KATNIP: variants seen among roughly 807,000 people sequenced by gnomAD.
KATNIP encodes the protein katanin interacting protein.
Under a neutral mutation model 174.0 loss-of-function variants are expected in KATNIP, and 126 were observed. The ratio of observed to expected loss-of-function variants is 0.72; its 90% CI spans 0.63 to 0.84. The LOEUF is 0.84. Among genes scored for constraint, KATNIP ranks in the 40% least tolerant of loss-of-function variants. The pLI is 0.00. For missense variants in KATNIP, 1,958 were observed against 2,109.7 expected (o/e 0.93, Z 1.41); for synonymous variants, 810 against 835.7 (o/e 0.97, Z 0.53).
At position 27,771,580 on chromosome 16, in the gene KATNIP, T is replaced by G. The variant is rs952313114; in HGVS notation, c.4134-8T>G. On this transcript the variant is annotated splice_polypyrimidine_tract_variant and splice_region_variant and intron_variant, in intron 21 of 27. Transcript: ENST00000261588. The stretch of plus-strand genomic sequence containing the variant: ...GCTTCTTCATGGTGCTGTTTTGTGC[T>G]TTTTCAGGCTGGACATGAGAAGCCT... 1.2e-5 allele frequency: 20 copies of G among 1,611,518 alleles called. No homozygotes were observed. Among genetic ancestry groups the G allele is most frequent in the Non-Finnish European group, 1.4e-5 (17 of 1,178,588 alleles).
intron 1 of KATNIP, among the ~76,000 whole-genome samples, chr16:27,551,719 T>C (rs565601643): frequency 4.6e-5 from 7 of 150,874 alleles, no homozygotes; most frequent in African/African-American, 1.5e-4. Context: ...ACCTTGTCTC[T>C]ACTAAAACTT....
At chr16:27,677,465 C>T (rs1299695442) in intron 6 of KATNIP, among the ~76,000 whole-genome samples, 1 of 151,688 alleles carries the variant, frequency 6.6e-6, no homozygotes, top group Admixed American at 6.6e-5. Flanking sequence ...CATGTGCACT[C>T]CCCCCCACCC....
At chr16:27,640,523 CA>C (rs2076760725) in intron 5 of KATNIP, among the ~76,000 whole-genome samples, 1 of 152,132 alleles carries the variant, frequency 6.6e-6, no homozygotes, top group Non-Finnish European at 1.5e-5. Context: ...GAGAGCAGGC[CA>C]GATGGAGGGA....
intron 8 of KATNIP, among the ~76,000 whole-genome samples, chr16:27,683,212 C>G (rs2078410074): frequency 1.3e-5 from 2 of 152,182 alleles, no homozygotes; most frequent in South Asian, 2.1e-4. Context: ...TACCAAGACC[C>G]CTGTCCTAAG....
intron 2 of KATNIP, among the ~76,000 whole-genome samples, chr16:27,612,662 G>C (rs1048886462): frequency 2.0e-5 from 3 of 152,016 alleles, no homozygotes; most frequent in Admixed American, 6.6e-5. Context: ...GGGAGGCCAA[G>C]ACAGGAGAAT....
chr16:27,743,668 C>T (rs1195079231), intron 15 of KATNIP, among the ~76,000 whole-genome samples: 3 of 152,130 alleles, frequency 2.0e-5, no homozygotes, highest in Non-Finnish European at 4.4e-5. Context: ...AGGCACGTTA[C>T]CCAAATAACC....
At chr16:27,645,156 G>A (rs142699543) in intron 5 of KATNIP, among the ~76,000 whole-genome samples, 95 of 152,304 alleles carry the variant, frequency 6.2e-4, no homozygotes, top group Middle Eastern at 3.4e-3. Flanking sequence ...GGGCTATGCC[G>A]AATGAAACAT....
At position 27,752,642 on chromosome 16, in the gene KATNIP, C is replaced by G. The variant is rs114133219; in HGVS notation, c.3552+718C>G. Among the ~76,000 whole-genome samples the G allele has an allele frequency of 8.8e-3, 1,345 of 152,286 alleles. 26 individuals are homozygous for G. The highest frequency in any genetic ancestry group is 0.083 in the South Asian group (402 of 4,824). On this transcript the variant is annotated intron_variant, in intron 17 of 27. Transcript: ENST00000261588. ...TCATAGCTCATTGCAGCTCAAACTC[C>G]CGGGGCTCAAGCAATCCTACCACCT...
chr16:27,774,734 AACTG>A (rs1567434852), intron 23 of KATNIP, among the ~76,000 whole-genome samples: 2 of 151,880 alleles, frequency 1.3e-5, no homozygotes, highest in Non-Finnish European at 2.9e-5. Context: ...CTCTACTTGA[AACTG>A]ACCACCTCTC....
At chr16:27,609,547 T>C (rs1430368485) in intron 2 of KATNIP, among the ~76,000 whole-genome samples, 1 of 151,640 alleles carries the variant, frequency 6.6e-6, no homozygotes, top group African/African-American at 2.4e-5. Flanking sequence ...CCCGCCACCA[T>C]GCCCGGCTAA....
intron 6 of KATNIP, chr16:27,659,979 A>G (rs2077418356): frequency 4.1e-6 from 4 of 984,452 alleles, no homozygotes; most frequent in Non-Finnish European, 4.8e-6. Flanking sequence ...ACTGTGGTTT[A>G]TTTGATAGTT....
chr16:27,583,476 G>A lies in KATNIP; in HGVS notation c.63+9520G>A, dbSNP rs563275141. ...AGGTTCCTGCAAGTTACTCAGGAAA[G>A]GTATGTCTGCAGGATAAAAACACCC... is the stretch of plus-strand genomic sequence containing the variant. On this transcript the variant is annotated intron_variant, in intron 2 of 27. Coordinates refer to ENST00000261588, the MANE Select transcript of KATNIP (RefSeq NM_015202.5). 4.6e-5 allele frequency among the ~76,000 whole-genome samples: 7 copies of A among 152,290 alleles called. 1 individual carries two copies. The highest frequency in any genetic ancestry group is 1.7e-4 in the African/African-American group (7 of 41,544).
intron 4 of KATNIP, among the ~76,000 whole-genome samples, chr16:27,629,283 TC>T (rs2076421935): frequency 6.6e-6 from 1 of 151,538 alleles, no homozygotes; most frequent in African/African-American, 2.4e-5. Context: ...GAAAGAGAAA[TC>T]CTGTTTTATT....
chr16:27,698,483 C>T lies in KATNIP; in HGVS notation c.1096C>T (p.Pro366Ser), dbSNP rs1208503507. The T allele has an allele frequency of 6.2e-7, 1 of 1,609,844 alleles. No homozygotes were observed. Among genetic ancestry groups the T allele is most frequent in the South Asian group, 1.1e-5 (1 of 90,560 alleles). ...GCTCCTCAGCAGAAAGGCCGAGCAG[C>T]CAGCCAGCCCACTGCAGGTGCGCTC... ...RALLSRKAEQPASPLQDAEGP... is the reference protein window; with the variant it reads ...RALLSRKAEQSASPLQDAEGP... The change falls in exon 9 of 28, where the codon CCA (proline) becomes TCA (serine). Residue 366 changes from proline to serine, a missense_variant. Coordinates refer to ENST00000261588, the MANE Select transcript of KATNIP (RefSeq NM_015202.5).
chr16:27,697,306 C>T (rs1010190071), intron 8 of KATNIP, among the ~76,000 whole-genome samples: 2 of 152,130 alleles, frequency 1.3e-5, no homozygotes, highest in African/African-American at 2.4e-5. Flanking sequence ...TCCCCAACCT[C>T]GCCAGCATCT....
At chr16:27,680,568 C>A (rs2078295496) in intron 7 of KATNIP, among the ~76,000 whole-genome samples, 1 of 152,302 alleles carries the variant, frequency 6.6e-6, no homozygotes, top group South Asian at 2.1e-4. Flanking sequence ...GCCCTGTCAC[C>A]CGGGCTGAAG....
chr16:27,732,309 G>A (rs1345476069), intron 14 of KATNIP, among the ~76,000 whole-genome samples: 5 of 152,118 alleles, frequency 3.3e-5, no homozygotes, highest in Non-Finnish European at 7.4e-5. Context: ...TCCCTTCGAG[G>A]AAATTAAATT....
chr16:27,571,141 T>C (rs901748970), intron 1 of KATNIP, among the ~76,000 whole-genome samples: 1 of 152,216 alleles, frequency 6.6e-6, no homozygotes, highest in African/African-American at 2.4e-5. Context: ...CAGGTGAATC[T>C]TGTGCCTCTG....
chr16:27,695,608 G>GTC (rs1266151916), intron 8 of KATNIP, among the ~76,000 whole-genome samples: 3 of 152,064 alleles, frequency 2.0e-5, no homozygotes, highest in Non-Finnish European at 4.4e-5. Context: ...CCAGCTTATG[G>GTC]TCTCTCACCA....
Sources: gnomAD v4.1 joint callset for allele counts (sites outside exome capture counted in the v4.1 genomes callset) on GRCh38, gnomAD v4.1.1 for gene constraint, MANE v1.5 for transcripts, NCBI Gene and HGNC (gene_info 2026-07-23, HGNC 2026-07-21) for gene names.